GPR143: variants seen among roughly 807,000 people sequenced by gnomAD.
GPR143 encodes G-protein coupled receptor 143.
Under a neutral mutation model 27.6 loss-of-function variants are expected in GPR143, and 8 were observed. That is an observed-to-expected ratio of 0.29 (90% confidence interval 0.17 to 0.52). GPR143 has a LOEUF of 0.52. GPR143 is among the 20% of genes least tolerant of loss of function. The pLI is 0.96. For synonymous variants in GPR143, 156 were observed against 153.2 expected, an observed-to-expected ratio of 1.02 and a Z score of -0.13; for missense variants, 303 against 343.1, an observed-to-expected ratio of 0.88 and a Z score of 0.92.
At chrX:9,749,069 C>T (rs1465631449) in intron 3 of GPR143, among the ~76,000 whole-genome samples, 1 of 112,155 alleles carries the variant, frequency 8.9e-6, no homozygotes, top group African/African-American at 3.2e-5. Context: ...ACAAGTTGAA[C>T]TAATCACTGT....
intron 1 of GPR143, among the ~76,000 whole-genome samples, chrX:9,774,626 G>A (rs888810718): frequency 3.6e-5 from 2 of 55,746 alleles, no homozygotes; most frequent in Non-Finnish European, 7.3e-5. Context: ...TGGACGGAAG[G>A]AGGACTCCAT....
Position 9,746,028 on chromosome X carries a change from C to A in GPR143, c.658+16G>T. ...TCCCAGTGGCCGTGTACCCAGAGAGCTTCCCTAGTATTTACCTGCAGTCAC... is the reference window on the plus strand; with the variant it reads ...TCCCAGTGGCCGTGTACCCAGAGAGATTCCCTAGTATTTACCTGCAGTCAC... On this transcript the variant is annotated intron_variant, in intron 5 of 8. Transcript: ENST00000467482. 8 of 1,047,187 alleles carry A rather than the reference C, an allele frequency of 7.6e-6. No homozygotes were observed. The highest frequency in any genetic ancestry group is 1.1e-5 in the Non-Finnish European group (8 of 745,206). 86.3% of individuals were successfully genotyped at this position (1,047,187 alleles called of 1,213,427 possible). A position where few individuals can be genotyped will look rare whatever the true frequency, so the allele number is the denominator to read the frequency against.
upstream of GPR143, among the ~76,000 whole-genome samples, chrX:9,768,541 G>C (rs1410477461): frequency 8.9e-6 from 1 of 111,911 alleles, no homozygotes; most frequent in South Asian, 3.7e-4. Flanking sequence ...TTAGCAGAGC[G>C]TGCTGCTGCG....
At chrX:9,759,298 A>G (rs1282785597) in intron 3 of GPR143, 34 bp downstream of exon 3, 1 of 900,145 alleles carries the variant, frequency 1.1e-6, no homozygotes, top group East Asian at 3.3e-5. Flanking sequence ...CTAAAATAGA[A>G]CTAGGGCAGA....
chrX:9,776,510 C>T (rs2083571214), intron 1 of GPR143, among the ~76,000 whole-genome samples: 1 of 108,184 alleles, frequency 9.2e-6, no homozygotes, highest in Non-Finnish European at 1.9e-5. Context: ...CCCAGCCTCC[C>T]CAGTAGCTGC....
At chrX:9,736,241 T>C (rs1268037949) in intron 8 of GPR143, among the ~76,000 whole-genome samples, 3 of 111,701 alleles carry the variant, frequency 2.7e-5, no homozygotes, top group African/African-American at 6.5e-5. Context: ...AAAAGTCCGA[T>C]GTGGAAATAT....
At chrX:9,752,852 TAAGA>T (rs886246205) in intron 3 of GPR143, among the ~76,000 whole-genome samples, 2 of 106,493 alleles carry the variant, frequency 1.9e-5, no homozygotes, top group African/African-American at 7.0e-5. Context: ...CTATTAAAAA[TAAGA>T]AAGAAAGAAA....
intron 4 of GPR143, among the ~76,000 whole-genome samples, chrX:9,747,322 G>A (rs1358780126): frequency 9.0e-6 from 1 of 111,041 alleles, no homozygotes; most frequent in Non-Finnish European, 1.9e-5. Flanking sequence ...AGATGATTAA[G>A]GATAAGATGC....
intron 8 of GPR143, among the ~76,000 whole-genome samples, chrX:9,731,139 A>G (rs750461134): frequency 2.7e-5 from 3 of 112,182 alleles, no homozygotes; most frequent in Non-Finnish European, 5.6e-5. Context: ...ACTAAAACAG[A>G]GGCCTGTTGG....
At chrX:9,739,887 T>C (rs1472094711) in intron 7 of GPR143, among the ~76,000 whole-genome samples, 168 bp from the exon 8 acceptor site, 3 of 111,870 alleles carry the variant, frequency 2.7e-5, no homozygotes, top group Non-Finnish European at 5.7e-5. Context: ...GTGGGTTGGT[T>C]TGGGGCAAGA....
chrX:9,757,781 T>C (rs2083479327), intron 3 of GPR143, among the ~76,000 whole-genome samples: 1 of 111,516 alleles, frequency 9.0e-6, no homozygotes, highest in Non-Finnish European at 1.9e-5. Flanking sequence ...TTGTTTCTAT[T>C]GTTTTTTGAG....
At chrX:9,767,172 G>T (rs1324903000), upstream of GPR143, among the ~76,000 whole-genome samples, 3 of 100,292 alleles carry the variant, frequency 3.0e-5, no homozygotes, top group African/African-American at 1.1e-4. Context: ...AGCATACTAA[G>T]ATTTTTTTTT....
chrX:9,755,490 TAAAAA>T (rs34266967), intron 3 of GPR143, among the ~76,000 whole-genome samples: 1 of 75,047 alleles, frequency 1.3e-5, no homozygotes, highest in African/African-American at 4.7e-5. Flanking sequence ...AAACTCCATC[TAAAAA>T]AAAAAAAAAA....
chrX:9,778,219 G>T (rs774131337), intron 1 of GPR143, among the ~76,000 whole-genome samples: 1 of 112,271 alleles, frequency 8.9e-6, no homozygotes, highest in African/African-American at 3.2e-5. Context: ...AACCAACAAG[G>T]CCCCAAATAT....
At chrX:9,748,495 G>A in intron 4 of GPR143, 79 bp downstream of exon 4, 1 of 667,337 alleles carries the variant, frequency 1.5e-6, no homozygotes. Flanking sequence ...TCTGTGGGTC[G>A]GGGCTCATGT....
At chrX:9,734,631 T>A (rs753333511) in intron 8 of GPR143, among the ~76,000 whole-genome samples, 44 of 111,578 alleles carry the variant, frequency 3.9e-4, no homozygotes, top group Non-Finnish European at 7.4e-4. Context: ...CCCGGGATGA[T>A]CCTTAAATCT....
intron 1 of GPR143, among the ~76,000 whole-genome samples, chrX:9,777,625 CAAAAAA>C (rs748188995): frequency 9.2e-6 from 1 of 108,894 alleles, no homozygotes; most frequent in African/African-American, 3.3e-5. Flanking sequence ...CTCAAAAAAA[CAAAAAA>C]AAGAAAAAGA....
intron 3 of GPR143, among the ~76,000 whole-genome samples, chrX:9,754,895 T>G (rs1279125489): frequency 8.9e-6 from 1 of 111,794 alleles, no homozygotes; most frequent in Non-Finnish European, 1.9e-5. Context: ...CTGGCATCTA[T>G]AAGACCTACA....
chrX:9,731,284 G>A (rs755290121), intron 8 of GPR143, among the ~76,000 whole-genome samples: 52 of 111,101 alleles, frequency 4.7e-4, no homozygotes, highest in Admixed American at 3.1e-3. Flanking sequence ...CAGGAGAATC[G>A]CTTGAGCCCA....
Sources: allele counts gnomAD v4.1 joint callset (sites outside exome capture counted in the v4.1 genomes callset), GRCh38; gene constraint gnomAD v4.1.1; transcripts MANE v1.5; gene names NCBI Gene and HGNC (gene_info 2026-07-23, HGNC 2026-07-21).